The following STAC variants were observed in gnomAD, a reference collection of about 807,000 sequenced individuals.
STAC encodes the protein SH3 and cysteine rich domain.
A neutral mutation model predicts 48.8 loss-of-function variants in STAC; 43 were observed. The ratio of observed to expected loss-of-function variants is 0.88; its 90% CI spans 0.69 to 1.14. The LOEUF (loss-of-function observed/expected upper bound fraction) is 1.14. Among genes scored for constraint, STAC ranks in the 50% most tolerant of loss-of-function variants. The probability of loss-of-function intolerance (pLI) is 0.00; values close to 1 mark genes in which losing one functional copy is unlikely to be tolerated. For missense variants in STAC, 497 were observed against 504.0 expected (o/e 0.99, Z 0.13); for synonymous variants, 193 against 179.5 (o/e 1.07, Z -0.60).
chr3:36,545,128 G>T (rs1453864590), intron 10 of STAC, among the ~76,000 whole-genome samples: 1 of 152,170 alleles, frequency 6.6e-6, no homozygotes, highest in Non-Finnish European at 1.5e-5. Flanking sequence ...ACTCACAGCT[G>T]CCCTTCTCAG....
chr3:36,476,557 G>T (rs937684286), intron 2 of STAC, among the ~76,000 whole-genome samples: 4 of 152,148 alleles, frequency 2.6e-5, no homozygotes, highest in Admixed American at 1.3e-4. Flanking sequence ...GTAGGGAGGG[G>T]TTGCATGGTG....
intron 10 of STAC, among the ~76,000 whole-genome samples, chr3:36,537,278 G>T (rs1301701916): frequency 6.6e-6 from 1 of 152,048 alleles, no homozygotes; most frequent in Non-Finnish European, 1.5e-5. Context: ...CAATAGCAAA[G>T]ACATGGAATC....
intron 6 of STAC, among the ~76,000 whole-genome samples, chr3:36,499,299 G>T (rs1426547466): frequency 1.3e-5 from 2 of 152,164 alleles, no homozygotes; most frequent in Non-Finnish European, 2.9e-5. Flanking sequence ...TTAAAAAGTT[G>T]TTAATAAAAC....
intron 1 of STAC, among the ~76,000 whole-genome samples, chr3:36,422,791 A>G (rs185803767): frequency 6.6e-6 from 1 of 152,226 alleles, no homozygotes; most frequent in Admixed American, 6.5e-5. Flanking sequence ...TGTAACAAGC[A>G]CTAGTTAAGG....
At chr3:36,536,917 T>C (rs1263380321) in intron 10 of STAC, among the ~76,000 whole-genome samples, 4 of 149,672 alleles carry the variant, frequency 2.7e-5, no homozygotes, top group African/African-American at 9.8e-5. Context: ...CAAAAGAAGA[T>C]ATTTATATGG....
chr3:36,427,025 C>CA (rs1336816013), intron 1 of STAC, among the ~76,000 whole-genome samples: 1 of 152,208 alleles, frequency 6.6e-6, no homozygotes, highest in Non-Finnish European at 1.5e-5. Flanking sequence ...GCCTCATCCA[C>CA]AAACACCCCA....
intron 2 of STAC, among the ~76,000 whole-genome samples, chr3:36,453,943 T>C (rs1575210721): frequency 1.3e-5 from 2 of 152,132 alleles, no homozygotes; most frequent in East Asian, 3.9e-4. Flanking sequence ...GGTGGGGACT[T>C]GGAGAACCTT....
chr3:36,418,403 A>C (rs1370488538), intron 1 of STAC, among the ~76,000 whole-genome samples: 2 of 152,114 alleles, frequency 1.3e-5, no homozygotes, highest in Non-Finnish European at 2.9e-5. Context: ...GTGAGGATTA[A>C]TTTCCAGTTG....
At chr3:36,525,323 C>A (rs1036360299) in intron 8 of STAC, among the ~76,000 whole-genome samples, 1 of 152,194 alleles carries the variant, frequency 6.6e-6, no homozygotes. Context: ...ACCCTCATCA[C>A]ACTTCCAGAA....
At chr3:36,437,996 TG>T (rs1253326560) in intron 1 of STAC, among the ~76,000 whole-genome samples, 1 of 150,370 alleles carries the variant, frequency 6.7e-6, no homozygotes, top group East Asian at 2.0e-4. Flanking sequence ...TGGAGTGCAA[TG>T]GTGTGATCTT....
chr3:36,499,100 C>T (rs1698222098), intron 6 of STAC, among the ~76,000 whole-genome samples: 1 of 151,912 alleles, frequency 6.6e-6, no homozygotes, highest in Admixed American at 6.5e-5. Context: ...ATTTTTCAGA[C>T]AAAAATTGTA....
chr3:36,446,762 T>C (rs1163640825), intron 2 of STAC, among the ~76,000 whole-genome samples: 1 of 152,248 alleles, frequency 6.6e-6, no homozygotes, highest in African/African-American at 2.4e-5. Context: ...AAAACTATTT[T>C]TAAATTAACT....
At chr3:36,382,773 A>C (rs1035026521) in intron 1 of STAC, among the ~76,000 whole-genome samples, 3 of 152,204 alleles carry the variant, frequency 2.0e-5, no homozygotes, top group Admixed American at 2.0e-4. Context: ...AGGAAGGCTC[A>C]ATTCATTCTA....
chr3:36,491,407 T>C (rs954879010), intron 5 of STAC, among the ~76,000 whole-genome samples: 3 of 152,214 alleles, frequency 2.0e-5, no homozygotes, highest in Non-Finnish European at 4.4e-5. Context: ...TCGGAGTTAG[T>C]TGGCTAGTTT....
At position 36,439,097 on chromosome 3, in the gene STAC, C is replaced by T. The variant is rs370788656; in HGVS notation, c.112-4267C>T. Among the ~76,000 whole-genome samples the T allele has an allele frequency of 5.1e-4, 77 of 152,300 alleles. No homozygotes were observed. The South Asian group carries it at 0.016, about 31-fold the overall frequency. On this transcript the variant is annotated intron_variant, in intron 1 of 10. Coordinates refer to ENST00000273183, the MANE Select transcript of STAC (RefSeq NM_003149.3). The stretch of plus-strand genomic sequence containing the variant: ...CCTCCATCCATCCCCTAAAGACCCA[C>T]CAGCAGTGGAAAGAGCATGGGGACG...
chr3:36,405,863 G>C (rs957715798), intron 1 of STAC, among the ~76,000 whole-genome samples: 8 of 152,250 alleles, frequency 5.3e-5, no homozygotes, highest in African/African-American at 1.9e-4. Context: ...GGGACTACAG[G>C]CGCATGCCAC....
At chr3:36,391,028 C>T (rs1363313317) in intron 1 of STAC, among the ~76,000 whole-genome samples, 15 of 152,144 alleles carry the variant, frequency 9.9e-5, no homozygotes, top group Non-Finnish European at 4.4e-5. Context: ...CCTTCAGTCT[C>T]GTCCCATCTT....
chr3:36,437,335 A>C (rs1401729614), intron 1 of STAC, among the ~76,000 whole-genome samples: 3 of 151,952 alleles, frequency 2.0e-5, no homozygotes, highest in Non-Finnish European at 2.9e-5. Flanking sequence ...ACGTATGTTT[A>C]TTGCGGCACT....
intron 8 of STAC, among the ~76,000 whole-genome samples, chr3:36,521,952 G>C (rs1056837601): frequency 2.0e-5 from 3 of 152,004 alleles, no homozygotes; most frequent in Non-Finnish European, 4.4e-5. Context: ...AGCTGGGAGT[G>C]GTGTCATGTA....
Sources: gnomAD v4.1 joint callset for allele counts (sites outside exome capture counted in the v4.1 genomes callset) on GRCh38, gnomAD v4.1.1 for gene constraint, MANE v1.5 for transcripts, NCBI Gene and HGNC (gene_info 2026-07-23, HGNC 2026-07-21) for gene names.